The following RCSD1 variants were observed in gnomAD, a reference collection of about 807,000 sequenced individuals.
The protein encoded by RCSD1 is capZ-interacting protein.
In RCSD1, 26 loss-of-function variants were observed where a neutral mutation model predicts 42.5. The observed-to-expected ratio is 0.61, with a 90% confidence interval of 0.45 to 0.85. The LOEUF (loss-of-function observed/expected upper bound fraction) is 0.85, where lower values mean the gene tolerates loss of function less well. RCSD1 is among the 40% of genes least tolerant of loss of function. The probability of loss-of-function intolerance (pLI) is 0.00; values close to 1 mark genes in which losing one functional copy is unlikely to be tolerated. For missense variants in RCSD1, 571 were observed against 528.3 expected, an observed-to-expected ratio of 1.08 and a Z score of -0.79; for synonymous variants, 220 against 212.2, an observed-to-expected ratio of 1.04 and a Z score of -0.32.
At chr1:167,683,594 G>T (rs1329341520) in intron 1 of RCSD1, among the ~76,000 whole-genome samples, 2 of 152,164 alleles carry the variant, frequency 1.3e-5, no homozygotes, top group Non-Finnish European at 2.9e-5. Flanking sequence ...TGCCGGTGGG[G>T]TCCTTGAGGA....
In RCSD1 at chr1:167,706,853, G is replaced by T. The variant is rs1184421861; in HGVS notation, c.*2157G>T. On this transcript the variant is annotated 3_prime_UTR_variant, in exon 7 of 7. Transcript: ENST00000367854. ...CATGATCAGGTGTTTTATTTGCATG[G>T]TTGATACTGGAACTTCTAAATTTGG... is the stretch of plus-strand genomic sequence containing the variant. 6.6e-6 allele frequency among the ~76,000 whole-genome samples: 1 copy of T among 152,178 alleles called. No homozygotes were observed. The highest frequency in any genetic ancestry group is 1.5e-5 in the Non-Finnish European group (1 of 68,040).
At chr1:167,654,742 A>G (rs1658384804) in intron 1 of RCSD1, among the ~76,000 whole-genome samples, 1 of 152,194 alleles carries the variant, frequency 6.6e-6, no homozygotes, top group Non-Finnish European at 1.5e-5. Flanking sequence ...GCAGAAAGAA[A>G]TCAGTTAGGT....
chr1:167,644,491 AC>A (rs796244815), intron 1 of RCSD1, among the ~76,000 whole-genome samples: 75,341 of 121,882 alleles, frequency 0.62, 19,121 homozygotes, highest in East Asian at 0.71. Context: ...AAAAATAAAT[AC>A]ATACATACAT....
chr1:167,685,250 C>T (rs1659198024), intron 2 of RCSD1, among the ~76,000 whole-genome samples, 171 bp from the exon 3 acceptor site: 2 of 152,184 alleles, frequency 1.3e-5, no homozygotes, highest in Non-Finnish European at 2.9e-5. Flanking sequence ...GTCCCAAAGA[C>T]ACGCAGTTCC....
intron 6 of RCSD1, among the ~76,000 whole-genome samples, chr1:167,703,997 A>C (rs757522438): frequency 6.6e-6 from 1 of 151,948 alleles, no homozygotes; most frequent in Non-Finnish European, 1.5e-5. Flanking sequence ...TCCACATCAC[A>C]CCCCACCTTG....
chr1:167,668,155 G>A (rs1048290185), intron 1 of RCSD1, among the ~76,000 whole-genome samples: 1 of 151,948 alleles, frequency 6.6e-6, no homozygotes, highest in African/African-American at 2.4e-5. Context: ...AGCTGAGTGT[G>A]GCACCTGTAA....
intron 6 of RCSD1, among the ~76,000 whole-genome samples, chr1:167,701,441 G>A (rs1236148144): frequency 6.6e-6 from 1 of 151,900 alleles, no homozygotes; most frequent in African/African-American, 2.4e-5. Flanking sequence ...AAGTAGCTGG[G>A]ATTACAAGCC....
At chr1:167,690,007 T>C (rs201162592) in intron 3 of RCSD1, 42 bp from the exon 4 acceptor site, 1 of 1,601,614 alleles carries the variant, frequency 6.2e-7, no homozygotes, top group Non-Finnish European at 8.5e-7. Context: ...CCCACTTTCC[T>C]CACCTTACTT....
In RCSD1 at chr1:167,698,019, GA is replaced by G. The variant is rs150486282; in HGVS notation, c.1218+178del. On this transcript the variant is annotated intron_variant, in intron 6 of 6. Transcript: ENST00000367854. ...GAAAGGCTGTCGCTGAGGCTGAGGG[GA>G]CAAAAGGACACAAAGAGGAAGTGTG... 3.5e-4 allele frequency among the ~76,000 whole-genome samples: 54 copies of G among 152,312 alleles called. 1 individual carries two copies. The East Asian group carries it at 0.01, about 29-fold the overall frequency.
intron 1 of RCSD1, among the ~76,000 whole-genome samples, chr1:167,644,002 A>G (rs1477362737): frequency 6.6e-6 from 1 of 152,144 alleles, no homozygotes. Flanking sequence ...AACTGCCGGT[A>G]AATCTCTCTG....
chr1:167,690,210 G>A (rs1479308947), intron 4 of RCSD1, 90 bp downstream of exon 4: 12 of 1,179,448 alleles, frequency 1.0e-5, no homozygotes, highest in Non-Finnish European at 1.5e-5. Flanking sequence ...CATAGGGGTA[G>A]CCTATGTGTC....
chr1:167,661,102 G>C (rs111930498), intron 1 of RCSD1, among the ~76,000 whole-genome samples: 1 of 152,324 alleles, frequency 6.6e-6, no homozygotes, highest in African/African-American at 2.4e-5. Context: ...TTGAAAATAG[G>C]AATAATACAT....
rs538094853 is a variant in RCSD1, at chr1:167,647,420, C to A, written c.6+16991C>A. Among the ~76,000 whole-genome samples the A allele has an allele frequency of 2.7e-3, 384 of 140,048 alleles. 1 individual carries two copies. The highest frequency in any genetic ancestry group is 9.5e-3 in the African/African-American group (352 of 37,072). The allele number at this position is 140,048 out of a possible 152,430, so 91.9% of individuals were successfully genotyped here. On this transcript the variant is annotated intron_variant, in intron 1 of 6. Transcript: ENST00000367854. ...CCCGGGCAACATAGTGAGACCCCAT[C>A]GCTACAAAAAAAAAAAAAATAGCAG...
chr1:167,632,686 TCACATCCA>T lies in RCSD1; in HGVS notation c.6+2258_6+2265del, dbSNP rs532710177. 5.1e-3 allele frequency among the ~76,000 whole-genome samples: 780 copies of T among 151,782 alleles called. 3 individuals are homozygous for T. The highest frequency in any genetic ancestry group is 0.012 in the East Asian group (64 of 5,170). On this transcript the variant is annotated intron_variant, in intron 1 of 6. Coordinates refer to ENST00000367854, the MANE Select transcript of RCSD1 (RefSeq NM_052862.4). ...GAAGCCTGACAAATCACCCTGCGTC[TCACATCCA>T]GTAGGTCACTAAGCCTAGTCCATCA... is the stretch of plus-strand genomic sequence containing the variant.
intron 1 of RCSD1, among the ~76,000 whole-genome samples, chr1:167,638,904 G>C (rs192444558): frequency 2.6e-4 from 39 of 152,320 alleles, no homozygotes; most frequent in African/African-American, 8.4e-4. Flanking sequence ...AAGTCAGTTA[G>C]TAGCCAAGTC....
At chr1:167,672,475 A>G (rs1658833247) in intron 1 of RCSD1, among the ~76,000 whole-genome samples, 1 of 152,244 alleles carries the variant, frequency 6.6e-6, no homozygotes, top group African/African-American at 2.4e-5. Flanking sequence ...GGTCTAGGGA[A>G]GAAACCATTT....
At chr1:167,690,771 T>C (rs1237697310) in intron 4 of RCSD1, among the ~76,000 whole-genome samples, 1 of 152,226 alleles carries the variant, frequency 6.6e-6, no homozygotes, top group African/African-American at 2.4e-5. Context: ...AAGGCCTGAA[T>C]GCAGCCACAA....
At chr1:167,632,049 G>A (rs963818520) in intron 1 of RCSD1, among the ~76,000 whole-genome samples, 3 of 152,184 alleles carry the variant, frequency 2.0e-5, no homozygotes, top group African/African-American at 7.2e-5. Flanking sequence ...GGTGAGGCAC[G>A]CACACAGCGA....
At chr1:167,690,493 G>C (rs1488776069) in intron 4 of RCSD1, among the ~76,000 whole-genome samples, 1 of 152,104 alleles carries the variant, frequency 6.6e-6, no homozygotes, top group East Asian at 1.9e-4. Context: ...GGGCAACATA[G>C]TGAGACACTA....
Sources: gnomAD v4.1 joint callset for allele counts (sites outside exome capture counted in the v4.1 genomes callset) on GRCh38, gnomAD v4.1.1 for gene constraint, MANE v1.5 for transcripts, NCBI Gene and HGNC (gene_info 2026-07-23, HGNC 2026-07-21) for gene names.